PCNX3: variants seen among roughly 807,000 people sequenced by gnomAD.
PCNX3 encodes pecanex-like protein 3.
A neutral mutation model predicts 207.2 loss-of-function variants in PCNX3; 58 were observed. The observed-to-expected ratio is 0.28, with a 90% CI of 0.23 to 0.35. PCNX3 has a LOEUF of 0.35. Among genes scored for constraint, PCNX3 ranks in the 10% least tolerant of loss-of-function variants. PCNX3 has a pLI of 1.00. For synonymous variants in PCNX3, 1,337 were observed against 1,183.5 expected (o/e 1.13, Z -2.66); for missense variants, 2,410 against 2,774.4 (o/e 0.87, Z 2.95).
chr11:65,620,845 A>C lies in PCNX3; in HGVS notation c.2114A>C (p.His705Pro). Residue 705 changes from histidine to proline, a missense_variant, in exon 10 of 35, where the codon CAT becomes CCT. By Grantham distance (77) the His-to-Pro change is moderately conservative. Around this residue, in one of 8 missense-constraint regions of PCNX3, gnomAD observed 1,104 missense variants for 970.3 expected, o/e 1.14. Coordinates refer to ENST00000355703, the MANE Select transcript of PCNX3 (RefSeq NM_032223.4). The part of the protein sequence containing the change: ...TANGAWDRHS[H>P]SSSFHSADVP... ...TGTTCTCACAGGGACCGACACTCGC[A>C]TTCCTCCAGCTTCCACTCGGCTGAT... The C allele has an allele frequency of 1.9e-6, 3 of 1,595,024 alleles. No homozygotes were observed. The highest frequency in any genetic ancestry group is 2.6e-6 in the Non-Finnish European group (3 of 1,171,824).
At position 65,620,681 on chromosome 11, in the gene PCNX3, C is replaced by A. The variant is rs972459876; in HGVS notation, c.2100-150C>A. The A allele has an allele frequency of 1.3e-5, 15 of 1,140,136 alleles. No homozygotes were observed. The East Asian group carries it at 3.4e-4, about 26-fold the overall frequency. 70.6% of individuals were successfully genotyped at this position (1,140,136 alleles called of 1,614,324 possible). The stretch of plus-strand genomic sequence containing the variant: ...CGTGCCAGGGTCTGGGAGGGAGGCA[C>A]TTCTGCCACCTGACCCCAGCACTTG... On this transcript the variant is annotated intron_variant, in intron 9 of 34. Coordinates refer to ENST00000355703, the MANE Select transcript of PCNX3 (RefSeq NM_032223.4).
In PCNX3 at chr11:65,625,108, CG is replaced by C. The variant is rs1030224067; in HGVS notation, c.2920-58del. ...CTGGGCTCAGCAGTGGCTTCTCACACGGGGGCAGCCCGGGCCCCATGCTTAC... is the reference window on the plus strand; with the variant it reads ...CTGGGCTCAGCAGTGGCTTCTCACACGGGGCAGCCCGGGCCCCATGCTTAC... On this transcript the variant is annotated intron_variant, in intron 16 of 34. Coordinates refer to ENST00000355703, the MANE Select transcript of PCNX3 (RefSeq NM_032223.4). This position sits in a 1 kb window ranked among gnomAD's most constrained non-coding sequence, Gnocchi z 5.6. 1.3e-6 allele frequency: 2 copies of C among 1,547,866 alleles called. No individual in the cohort carries two copies. The highest frequency in any genetic ancestry group is 1.4e-5 in the African/African-American group (1 of 73,444).
chr11:65,626,655 C>A, intron 20 of PCNX3: 1 of 561,098 alleles, frequency 1.8e-6, no homozygotes, highest in African/African-American at 1.9e-5. Flanking sequence ...GCGATTTCAT[C>A]ATTGGCCTTG....
chr11:65,627,590 G>T lies in PCNX3; in HGVS notation c.3702+8G>T, dbSNP rs1855454898. On this transcript the variant is annotated splice_region_variant and intron_variant, in intron 22 of 34. Transcript: ENST00000355703. ...TCCCTGCTTTGCAGCAAGGTGAGTT[G>T]GTGGCTGTGGCCCAGACCCCAGGCT... 1 of 1,613,586 alleles carries T rather than the reference G, an allele frequency of 6.2e-7. No homozygotes were observed. The highest frequency in any genetic ancestry group is 8.5e-7 in the Non-Finnish European group (1 of 1,179,722).
chr11:65,618,840 G>C lies in PCNX3; in HGVS notation c.1478G>C (p.Ser493Thr). The change falls in exon 6 of 35, where the codon AGT becomes ACT. Residue 493 changes from serine to threonine, a missense_variant. This residue lies in a region of PCNX3 where 1,104 missense variants were observed against 970.3 expected (regional missense o/e 1.14). Transcript: ENST00000355703. ...KRPYGTQRTP[S>T]TASAKTHARV... is the part of the protein sequence containing the mutation. ...CCATATGGGACCCAGCGGACGCCTA[G>C]TACCGCCAGCGCTAAAACACATGCC... 6.2e-7 allele frequency: 1 copy of C among 1,611,330 alleles called. No homozygotes were observed. The highest frequency in any genetic ancestry group is 1.1e-5 in the South Asian group (1 of 90,906).
At chr11:65,621,597 TC>T (rs1855105363) in intron 10 of PCNX3, among the ~76,000 whole-genome samples, 1 of 152,238 alleles carries the variant, frequency 6.6e-6, no homozygotes, top group Non-Finnish European at 1.5e-5. Context: ...GTTCATTTCT[TC>T]CTTGTAACCA....
At chr11:65,617,442 GTTCC>G (rs752236887) in intron 3 of PCNX3, 24 bp from the exon 4 acceptor site, 1 of 1,613,910 alleles carries the variant, frequency 6.2e-7, no homozygotes, top group Non-Finnish European at 8.5e-7. Context: ...TGCCTTGTTT[GTTCC>G]TTCATGGCTC....
intron 23 of PCNX3, 42 bp from the exon 24 acceptor site, chr11:65,628,777 T>TGGGGGCTGGGGGGGGGGGGGGGGGGCG: frequency 6.7e-7 from 1 of 1,490,454 alleles, no homozygotes. Flanking sequence ...GGTGGGGGGC[T>TGGGGGCTGGGGGGGGGGGGGGGGGGCG]GGGAGGTCCT....
At chr11:65,632,262 G>A (rs1298848489) in intron 27 of PCNX3, among the ~76,000 whole-genome samples, 1 of 152,058 alleles carries the variant, frequency 6.6e-6, no homozygotes, top group African/African-American at 2.4e-5. Flanking sequence ...CTGAGGATGT[G>A]GACTGAGGGT....
intron 9 of PCNX3, 52 bp from the exon 10 acceptor site, chr11:65,620,779 C>A (rs946108374): frequency 6.4e-7 from 1 of 1,571,086 alleles, no homozygotes; most frequent in Non-Finnish European, 8.6e-7. Context: ...TCGACCCCAC[C>A]CAGCCCCAGG....
rs757119930 is a variant in PCNX3 at position 65,620,986 on chromosome 11, G to A, written c.2235+20G>A. 1.3e-6 allele frequency: 2 copies of A among 1,519,658 alleles called. No individual in the cohort carries two copies. The highest frequency in any genetic ancestry group is 4.0e-5 in the Admixed American group (2 of 49,872). 94.1% of individuals were successfully genotyped at this position (1,519,658 alleles called of 1,614,324 possible). A position where few individuals can be genotyped will look rare whatever the true frequency, so the allele number is the denominator to read the frequency against. On this transcript the variant is annotated intron_variant, in intron 10 of 34. Coordinates refer to ENST00000355703, the MANE Select transcript of PCNX3 (RefSeq NM_032223.4). Reference sequence around the variant, plus strand: ...CCGGAGGTGAGGAGCAGCCGGGGAAGGGCCGTGCCAGTGGGGCGTGACGGG... The same window carrying A: ...CCGGAGGTGAGGAGCAGCCGGGGAAAGGCCGTGCCAGTGGGGCGTGACGGG...
chr11:65,616,700 G>C, intron 1 of PCNX3, 124 bp from the exon 2 acceptor site: 1 of 1,133,444 alleles, frequency 8.8e-7, no homozygotes, highest in Non-Finnish European at 1.3e-6. Flanking sequence ...CTGTGTACTG[G>C]TTGTGTGGAG....
In PCNX3 at chr11:65,635,393, A is replaced by T; in HGVS notation, c.5129A>T (p.Asp1710Val). 1 of 1,612,376 alleles carries T rather than the reference A, an allele frequency of 6.2e-7. No individual in the cohort carries two copies. Among genetic ancestry groups the T allele is most frequent in the Non-Finnish European group, 8.5e-7 (1 of 1,179,728 alleles). Reference sequence around the variant, plus strand: ...CGCCATGTCCTGGATGATGCCTCCGACGAGTACAAGATCATCATGCTCAAC... The same window carrying T: ...CGCCATGTCCTGGATGATGCCTCCGTCGAGTACAAGATCATCATGCTCAAC... Reference protein sequence around the residue: ...ALRHVLDDASDEYKIIMLNRR... With the variant: ...ALRHVLDDASVEYKIIMLNRR... The change falls in exon 31 of 35, where the codon GAC becomes GTC. Residue 1710 changes from aspartate to valine, a missense_variant. By Grantham distance (152) the Asp-to-Val change is radical. Around this residue, in one of 8 missense-constraint regions of PCNX3, gnomAD observed 420 missense variants for 705.3 expected, o/e 0.60. Coordinates refer to ENST00000355703, the MANE Select transcript of PCNX3 (RefSeq NM_032223.4). This position sits in a 1 kb window ranked among gnomAD's most constrained non-coding sequence, Gnocchi z 9.9.
chr11:65,620,807 TC>T, intron 9 of PCNX3, 23 bp from the exon 10 acceptor site: 1 of 1,590,428 alleles, frequency 6.3e-7, no homozygotes, highest in East Asian at 2.3e-5. Context: ...CGTGGGGGGA[TC>T]CTGATGGCTG....
rs751567355 is a variant in PCNX3 at position 65,635,125 on chromosome 11, G to T, written c.4953+5G>T. 1 of 1,612,554 alleles carries T rather than the reference G, an allele frequency of 6.2e-7. No individual in the cohort carries two copies. The stretch of plus-strand genomic sequence containing the variant: ...ATGGCCCTCAAGCTTCACCAGGTTG[G>T]GGAGGGGTGTGCCCAGCAGCATGGG... On this transcript the variant is annotated splice_donor_5th_base_variant and intron_variant, in intron 30 of 34. Coordinates refer to ENST00000355703, the MANE Select transcript of PCNX3 (RefSeq NM_032223.4). The surrounding 1 kb of genome is among the most constrained non-coding windows in gnomAD (Gnocchi z 9.9).
chr11:65,629,364 C>G lies in PCNX3; in HGVS notation c.3949C>G (p.Arg1317Gly). ...KFWERDYNTKRVDHSNTRLVT... is the reference protein window; with the variant it reads ...KFWERDYNTKGVDHSNTRLVT... ...TGCACTCTCTCTGAACAGCACTAAA[C>G]GTGTGGATCATTCCAACACCCGCCT... is the stretch of plus-strand genomic sequence containing the variant. The change falls in exon 25 of 35, where the codon CGT becomes GGT. Residue 1317 changes from arginine (R) to glycine (G), a missense_variant. Coordinates refer to ENST00000355703, the MANE Select transcript of PCNX3 (RefSeq NM_032223.4). The G allele has an allele frequency of 1.2e-6, 2 of 1,610,854 alleles. No individual in the cohort carries two copies. The highest frequency in any genetic ancestry group is 1.7e-6 in the Non-Finnish European group (2 of 1,178,434).
intron 1 of PCNX3, among the ~76,000 whole-genome samples, 174 bp from the exon 2 acceptor site, chr11:65,616,650 C>T (rs377389569): frequency 1.3e-5 from 2 of 152,196 alleles, no homozygotes; most frequent in African/African-American, 4.8e-5. Context: ...TACACTTAAT[C>T]TCATCCAGCT....
At position 65,620,231 on chromosome 11, in the gene PCNX3, G is replaced by T. The variant is rs909535914; in HGVS notation, c.2009-108G>T. ...CAGAGGCTGGGCTGCCCTCTCAGAGGACACAGCACAAGGTTCTGCCTCATT... is the reference window on the plus strand; with the variant it reads ...CAGAGGCTGGGCTGCCCTCTCAGAGTACACAGCACAAGGTTCTGCCTCATT... On this transcript the variant is annotated intron_variant, in intron 8 of 34. Coordinates refer to ENST00000355703, the MANE Select transcript of PCNX3 (RefSeq NM_032223.4). 5 of 1,190,508 alleles carry T rather than the reference G, an allele frequency of 4.2e-6. No homozygotes were observed. The African/African-American group carries it at 6.2e-5, about 15-fold the overall frequency. 73.7% of individuals were successfully genotyped at this position (1,190,508 alleles called of 1,614,324 possible). A position where few individuals can be genotyped will look rare whatever the true frequency, so the allele number is the denominator to read the frequency against.
In PCNX3 at chr11:65,618,697, C is replaced by T. The variant is rs777136543; in HGVS notation, c.1335C>T (p.Asp445=). The T allele has an allele frequency of 3.1e-6, 5 of 1,613,220 alleles. No homozygotes were observed. Among genetic ancestry groups the T allele is most frequent in the Non-Finnish European group, 3.4e-6 (4 of 1,179,696 alleles). The change falls in exon 6 of 35, where the codon GAC becomes GAT. Residue 445 remains aspartate (D), a synonymous_variant. Coordinates refer to ENST00000355703, the MANE Select transcript of PCNX3 (RefSeq NM_032223.4). ...SLRSQRRYST[D]SSSSTSCYSP... ...GATCGCAGCGCCGCTACAGTACTGACAGCTCCTCTTCTACTTCCTGCTACT... is the reference window on the plus strand; with the variant it reads ...GATCGCAGCGCCGCTACAGTACTGATAGCTCCTCTTCTACTTCCTGCTACT...
Sources: gnomAD v4.1 joint callset for allele counts (sites outside exome capture counted in the v4.1 genomes callset) on GRCh38, gnomAD v4.1.1 for gene constraint, gnomAD v4.1.1 regional missense constraint, Gnocchi (gnomAD v3.1) non-coding constraint, MANE v1.5 for transcripts, NCBI Gene and HGNC (gene_info 2026-07-23, HGNC 2026-07-21) for gene names.